CETP: variants seen among roughly 807,000 people sequenced by gnomAD.
The protein encoded by CETP is BPI fold containing family F.
CETP carries 56 observed loss-of-function variants against 66.5 expected under a neutral mutation model. The ratio of observed to expected loss-of-function variants is 0.84; its 90% CI spans 0.68 to 1.05. CETP has a LOEUF of 1.05. Among genes scored for constraint, CETP ranks in the 50% least tolerant of loss-of-function variants. The pLI is 0.00. For missense variants in CETP, 612 were observed against 609.6 expected (o/e 1.00, Z -0.04); for synonymous variants, 251 against 245.7 (o/e 1.02, Z -0.20).
chr16:56,966,566 G>T (rs1243830751), intron 2 of CETP, among the ~76,000 whole-genome samples: 1 of 151,926 alleles, frequency 6.6e-6, no homozygotes, highest in Non-Finnish European at 1.5e-5. Context: ...AGCCCGGCTG[G>T]GTTTTTTTGT....
At chr16:56,972,417 T>C (rs1377835340) in intron 8 of CETP, among the ~76,000 whole-genome samples, 2 of 152,248 alleles carry the variant, frequency 1.3e-5, no homozygotes, top group Non-Finnish European at 2.9e-5. Flanking sequence ...GACAAAAGCT[T>C]TGGACCCTCT....
intron 11 of CETP, among the ~76,000 whole-genome samples, chr16:56,980,295 C>T (rs1163357051): frequency 3.9e-5 from 6 of 152,074 alleles, no homozygotes; most frequent in African/African-American, 9.7e-5. Context: ...TGGAGTGCAG[C>T]GGTGATCCTC....
At chr16:56,978,644 C>T (rs566020302) in intron 11 of CETP, among the ~76,000 whole-genome samples, 2 of 151,362 alleles carry the variant, frequency 1.3e-5, no homozygotes, top group East Asian at 4.0e-4. Flanking sequence ...CCACACCTGG[C>T]TAATTTAAAA....
At chr16:56,974,075 G>A (rs188149780) in intron 9 of CETP, among the ~76,000 whole-genome samples, 24 of 152,148 alleles carry the variant, frequency 1.6e-4, no homozygotes, top group South Asian at 4.1e-4. Context: ...GCCTGGTTTC[G>A]GGTCTGGTTC....
chr16:56,974,221 T>C (rs1485563578), intron 9 of CETP, among the ~76,000 whole-genome samples: 1 of 152,208 alleles, frequency 6.6e-6, no homozygotes, highest in Non-Finnish European at 1.5e-5. Context: ...GGAGGGTCCC[T>C]GGAGGCCAGG....
chr16:56,977,291 G>A (rs1315831228), intron 10 of CETP, among the ~76,000 whole-genome samples: 1 of 152,080 alleles, frequency 6.6e-6, no homozygotes, highest in Non-Finnish European at 1.5e-5. Context: ...GGTTTCTTGG[G>A]GCATGTGATC....
At chr16:56,981,332 C>A in intron 12 of CETP, 107 bp downstream of exon 12, 1 of 951,888 alleles carries the variant, frequency 1.1e-6, no homozygotes, top group Non-Finnish European at 1.7e-6. Flanking sequence ...TGGCCCCTTT[C>A]TTCTGGGGCA....
At chr16:56,969,000 C>T (rs2056087978) in intron 2 of CETP, among the ~76,000 whole-genome samples, 1 of 151,918 alleles carries the variant, frequency 6.6e-6, no homozygotes, top group Non-Finnish European at 1.5e-5. Context: ...CCTGTGAGCA[C>T]GGTTCCCTCC....
chr16:56,971,072 C>T lies in CETP; in HGVS notation c.567C>T (p.Ser189=). The T allele has an allele frequency of 6.2e-7, 1 of 1,614,150 alleles. No homozygotes were observed. The part of the protein sequence containing the change: ...WIKQLFTNFI[S]FTLKLVLKGQ... ...AGCAGCTGTTCACAAATTTCATCTC[C>T]TTCACCCTGAAGCTGGTCCTGAAGG... Residue 189 remains serine (S), a synonymous_variant, in exon 6 of 16, where the codon TCC becomes TCT. Transcript: ENST00000200676.
intron 7 of CETP, among the ~76,000 whole-genome samples, chr16:56,971,757 A>G (rs922323505): frequency 6.6e-6 from 1 of 152,306 alleles, no homozygotes. Context: ...TTTCAGCCCA[A>G]GTCTTGGACT....
chr16:56,963,184 G>A, intron 2 of CETP, 60 bp downstream of exon 2: 1 of 1,385,600 alleles, frequency 7.2e-7, no homozygotes, highest in Middle Eastern at 1.8e-4. Context: ...AACAGCCTGG[G>A]GCTTGCCCCC....
rs2056098507 is a variant in CETP, at chr16:56,970,012, C to A, written c.527+11C>A. 3 of 1,611,214 alleles carry A rather than the reference C, an allele frequency of 1.9e-6. No individual in the cohort carries two copies. The highest frequency in any genetic ancestry group is 1.7e-5 in the Admixed American group (1 of 59,836). On this transcript the variant is annotated intron_variant, in intron 5 of 15. Transcript: ENST00000200676. ...CCAAGGGGAGCGAGAGTAAGTACAC[C>A]ACCCTGTGGCCCCCATTCCTGCTCG...
Position 56,967,882 on chromosome 16 carries a change from G to A in CETP, c.234-1504G>A, listed in dbSNP as rs118089749. 7.3e-3 allele frequency among the ~76,000 whole-genome samples: 1,100 copies of A among 151,490 alleles called. 36 individuals carry two copies. Among genetic ancestry groups the A allele is most frequent in the Admixed American group, 0.043 (661 of 15,220 alleles). On this transcript the variant is annotated intron_variant, in intron 2 of 15. Coordinates refer to ENST00000200676, the MANE Select transcript of CETP (RefSeq NM_000078.3). ...TTCCAGAGGCTGAGGCAGGAAGATC[G>A]TTGGAATTCGAGGCTGCAGTGAACT...
At chr16:56,970,978 C>A in intron 5 of CETP, 55 bp from the exon 6 acceptor site, 1 of 1,550,518 alleles carries the variant, frequency 6.4e-7, no homozygotes, top group Non-Finnish European at 8.9e-7. Flanking sequence ...ACACTAGGCG[C>A]TCCATGGATG....
At chr16:56,963,639 C>T (rs4369653) in intron 2 of CETP, among the ~76,000 whole-genome samples, 108,925 of 151,808 alleles carry the variant, frequency 0.72, 39,297 homozygotes, top group African/African-American at 0.77. Context: ...TTACAAACAA[C>T]ATCCTCACCT....
In CETP at chr16:56,962,945, T is replaced by A. The variant is rs527387260; in HGVS notation, c.119-65T>A. ...GAGGCTGAGTCATGGCCAAGGCCAG[T>A]TGGGGGTGGGAGCAGGGGGCTTGGT... On this transcript the variant is annotated intron_variant, in intron 1 of 15. Coordinates refer to ENST00000200676, the MANE Select transcript of CETP (RefSeq NM_000078.3). The A allele has an allele frequency of 7.0e-5, 100 of 1,428,228 alleles. 1 individual carries two copies. The African/African-American group carries it at 1.1e-3, about 15-fold the overall frequency. 88.5% of individuals were successfully genotyped at this position (1,428,228 alleles called of 1,614,324 possible).
chr16:56,969,483 A>G lies in CETP; in HGVS notation c.331A>G (p.Lys111Glu), dbSNP rs1352393229. Residue 111 changes from lysine (K) to glutamate (E), a missense_variant, in exon 3 of 16, where the codon AAG becomes GAG. Physicochemically the swap from Lys to Glu is moderately conservative, Grantham distance 56. Transcript: ENST00000200676. Reference protein sequence around the residue: ...VSIQNVSVVFKGTLKYGYTTA... With the variant: ...VSIQNVSVVFEGTLKYGYTTA... ...CATTCAGAACGTGTCTGTGGTCTTC[A>G]AGGGGACCCTGAAGTATGGCTACAC... is the stretch of plus-strand genomic sequence containing the variant. 1.2e-6 allele frequency: 2 copies of G among 1,614,076 alleles called. No homozygotes were observed. Among genetic ancestry groups the G allele is most frequent in the African/African-American group, 2.7e-5 (2 of 74,924 alleles).
rs2056108513 is a variant in CETP at position 56,971,320 on chromosome 16, G to C, written c.598-1G>C. On this transcript the variant is annotated splice_acceptor_variant, in intron 6 of 15. Coordinates refer to ENST00000200676, the MANE Select transcript of CETP (RefSeq NM_000078.3). LOFTEE classifies it high-confidence loss of function. ...GAAAGCACCTGCTCTGTCTGCCCCA[G>C]ATCTGCAAAGAGATCAACGTCATCT... 3.7e-6 allele frequency: 6 copies of C among 1,613,848 alleles called. No individual in the cohort carries two copies. Among genetic ancestry groups the C allele is most frequent in the Non-Finnish European group, 5.1e-6 (6 of 1,180,040 alleles).
At position 56,971,313 on chromosome 16, in the gene CETP, T is replaced by C. The variant is rs777455962; in HGVS notation, c.598-8T>C. ...CTGCCTGGAAAGCACCTGCTCTGTC[T>C]GCCCCAGATCTGCAAAGAGATCAAC... is the stretch of plus-strand genomic sequence containing the variant. On this transcript the variant is annotated splice_polypyrimidine_tract_variant and splice_region_variant and intron_variant, in intron 6 of 15. Coordinates refer to ENST00000200676, the MANE Select transcript of CETP (RefSeq NM_000078.3). 1.2e-6 allele frequency: 2 copies of C among 1,613,942 alleles called. No homozygotes were observed. The highest frequency in any genetic ancestry group is 4.5e-5 in the East Asian group (2 of 44,888).
Sources: gnomAD v4.1 joint callset for allele counts (sites outside exome capture counted in the v4.1 genomes callset) on GRCh38, gnomAD v4.1.1 for gene constraint, MANE v1.5 for transcripts, NCBI Gene and HGNC (gene_info 2026-07-23, HGNC 2026-07-21) for gene names.